The following TRAPPC3L variants were observed in gnomAD, a reference collection of about 807,000 sequenced individuals.
TRAPPC3L encodes the protein trafficking protein particle complex subunit 3L, also known as trafficking protein particle complex subunit 3-like protein.
TRAPPC3L carries 23 observed loss-of-function variants against 23.7 expected under a neutral mutation model. The ratio of observed to expected loss-of-function variants is 0.97; its 90% CI spans 0.70 to 1.37. The LOEUF is 1.37. Among genes scored for constraint, TRAPPC3L ranks in the 40% most tolerant of loss-of-function variants. The probability of loss-of-function intolerance (pLI) is 0.00; values close to 1 mark genes in which losing one functional copy is unlikely to be tolerated. For synonymous variants in TRAPPC3L, 81 were observed against 77.9 expected (o/e 1.04, Z -0.21); for missense variants, 212 against 216.8 (o/e 0.98, Z 0.14).
chr6:116,544,586 T>C (rs1417699884), intron 1 of TRAPPC3L, among the ~76,000 whole-genome samples: 1 of 152,166 alleles, frequency 6.6e-6, no homozygotes, highest in Admixed American at 6.6e-5. Context: ...ACTATTTCAG[T>C]AGGTTATGAA....
At chr6:116,521,535 A>AGAGC (rs1239043509) in intron 3 of TRAPPC3L, 2 of 151,740 alleles carry the variant, frequency 1.3e-5, no homozygotes, top group African/African-American at 4.8e-5. Flanking sequence ...AGAGAGACAG[A>AGAGC]GAGCAAATTT....
At chr6:116,504,749 A>G (rs1198437968) in intron 3 of TRAPPC3L, among the ~76,000 whole-genome samples, 2 of 152,158 alleles carry the variant, frequency 1.3e-5, no homozygotes, top group African/African-American at 4.8e-5. Flanking sequence ...TCACATAAAC[A>G]GAACCAAAGA....
rs540017801 is a variant in TRAPPC3L, at chr6:116,520,042, A to C, written c.241-19376T>G. 8 of 152,340 alleles carry C rather than the reference A, an allele frequency of 5.3e-5. No homozygotes were observed. The South Asian group carries it at 1.7e-3, about 32-fold the overall frequency. 9.4% of individuals were successfully genotyped at this position (152,340 alleles called of 1,614,324 possible). ...ATACCTTAAAGTAATGTATTGTAAA[A>C]TATATGTGTCCAAAGCAACTTTTAA... On this transcript the variant is annotated intron_variant, in intron 3 of 4. Transcript: ENST00000368602.
intron 3 of TRAPPC3L, among the ~76,000 whole-genome samples, chr6:116,510,265 G>A (rs1250540630): frequency 2.0e-5 from 3 of 152,006 alleles, no homozygotes; most frequent in Non-Finnish European, 2.9e-5. Context: ...AAAACAGTAT[G>A]GAGATTTCTT....
intron 3 of TRAPPC3L, among the ~76,000 whole-genome samples, chr6:116,503,467 G>A (rs902719541): frequency 2.6e-5 from 4 of 152,108 alleles, no homozygotes; most frequent in East Asian, 3.9e-4. Flanking sequence ...ACAGATCAAC[G>A]AGACAGAAAA....
chr6:116,524,089 A>C (rs941607850), intron 3 of TRAPPC3L: 4 of 152,196 alleles, frequency 2.6e-5, no homozygotes, highest in African/African-American at 4.8e-5. Flanking sequence ...GTTTTTTAAA[A>C]AGTTCTTCAG....
At chr6:116,534,721 AT>A (rs67025746) in intron 3 of TRAPPC3L, among the ~76,000 whole-genome samples, 4,981 of 152,164 alleles carry the variant, frequency 0.033, 265 homozygotes, top group African/African-American at 0.11. Flanking sequence ...TTGATTTTTT[AT>A]TACTCATCCC....
chr6:116,512,338 G>C (rs1772139278), intron 3 of TRAPPC3L: 3 of 1,286,314 alleles, frequency 2.3e-6, no homozygotes, highest in African/African-American at 1.5e-5. Context: ...AGAATATTTT[G>C]AAACTAAATG....
intron 3 of TRAPPC3L, among the ~76,000 whole-genome samples, chr6:116,515,126 C>G (rs1307544074): frequency 6.6e-6 from 1 of 152,128 alleles, no homozygotes; most frequent in African/African-American, 2.4e-5. Flanking sequence ...CGTCTGTCTC[C>G]CTTTTCCATG....
rs140564871 is a variant in TRAPPC3L at position 116,520,020 on chromosome 6, C to A, written c.241-19354G>T. ...TCACTACATAATTCTATGCATTATA[C>A]CTTAAAGTAATGTATTGTAAAATAT... On this transcript the variant is annotated intron_variant, in intron 3 of 4. Coordinates refer to ENST00000368602, the MANE Select transcript of TRAPPC3L (RefSeq NM_001139444.3). 251 of 152,168 alleles carry A rather than the reference C, an allele frequency of 1.6e-3. 1 individual carries two copies. The highest frequency in any genetic ancestry group is 5.6e-3 in the African/African-American group (233 of 41,520). The allele number at this position is 152,168 out of a possible 1,614,324, so 9.4% of individuals were successfully genotyped here.
intron 3 of TRAPPC3L, among the ~76,000 whole-genome samples, chr6:116,503,127 C>T (rs1262140192): frequency 2.6e-5 from 4 of 151,302 alleles, no homozygotes; most frequent in Admixed American, 1.3e-4. Context: ...TTCAGGAGAC[C>T]CATCTCATGT....
chr6:116,512,298 C>G, intron 3 of TRAPPC3L: 1 of 1,502,302 alleles, frequency 6.7e-7, no homozygotes, highest in Non-Finnish European at 8.9e-7. Flanking sequence ...TCTCTGTGCT[C>G]CTTTCAGCCA....
chr6:116,537,154 G>A (rs1407076), intron 3 of TRAPPC3L, among the ~76,000 whole-genome samples: 26,021 of 152,128 alleles, frequency 0.17, 2,345 homozygotes, highest in East Asian at 0.35. Context: ...ACTAGAGAAG[G>A]GTGAAGGTGA....
intron 3 of TRAPPC3L, chr6:116,522,049 C>T (rs372192258): frequency 1.3e-5 from 2 of 152,134 alleles, no homozygotes; most frequent in African/African-American, 4.8e-5. Flanking sequence ...AGAGAGAGAT[C>T]CCAATGGCTC....
intron 3 of TRAPPC3L, among the ~76,000 whole-genome samples, chr6:116,506,853 G>A (rs570287186): frequency 7.9e-5 from 12 of 152,106 alleles, no homozygotes; most frequent in South Asian, 2.1e-4. Flanking sequence ...ATCACACACC[G>A]GGACCTGTCA....
rs1771939030 is a variant in TRAPPC3L at position 116,502,767 on chromosome 6, G to C, written c.241-2101C>G. Among the ~76,000 whole-genome samples, 3 of 152,292 alleles carry C rather than the reference G, an allele frequency of 2.0e-5. No individual in the cohort carries two copies. In the South Asian group the frequency reaches 6.2e-4, roughly 32 times the overall value. ...TTTTCAACACAGAATTGCATATCCAGCCAAATGAAGCTTCATAAGTGAAGG... is the reference window on the plus strand; with the variant it reads ...TTTTCAACACAGAATTGCATATCCACCCAAATGAAGCTTCATAAGTGAAGG... On this transcript the variant is annotated intron_variant, in intron 3 of 4. Coordinates refer to ENST00000368602, the MANE Select transcript of TRAPPC3L (RefSeq NM_001139444.3).
chr6:116,497,391 G>C (rs1036951232), intron 4 of TRAPPC3L, among the ~76,000 whole-genome samples: 2 of 152,132 alleles, frequency 1.3e-5, no homozygotes, highest in Non-Finnish European at 2.9e-5. Flanking sequence ...TTCCCAGCTC[G>C]GGGATAGCCT....
rs1301681298 is a variant in TRAPPC3L, at chr6:116,500,658, G to A, written c.249C>T (p.Phe83=). Residue 83 remains phenylalanine, a synonymous_variant, in exon 4 of 5, where the codon TTC becomes TTT. Transcript: ENST00000368602. ...EIIDIIAQVA[F]KMYLGITPSV... Reference sequence around the variant, plus strand: ...TTGGTGTAATTCCCAGGTACATCTTGAAAGCAACCTGATAAGAAAAAAACA... The same window carrying A: ...TTGGTGTAATTCCCAGGTACATCTTAAAAGCAACCTGATAAGAAAAAAACA... The A allele has an allele frequency of 6.4e-7, 1 of 1,551,164 alleles. No homozygotes were observed. The highest frequency in any genetic ancestry group is 8.7e-7 in the Non-Finnish European group (1 of 1,146,846).
At chr6:116,544,468 G>A (rs1773654842) in intron 1 of TRAPPC3L, among the ~76,000 whole-genome samples, 1 of 151,988 alleles carries the variant, frequency 6.6e-6, no homozygotes. Context: ...CTGTTCAATT[G>A]GGTCTCAAAT....
Sources: gnomAD v4.1 joint callset for allele counts (sites outside exome capture counted in the v4.1 genomes callset) on GRCh38, gnomAD v4.1.1 for gene constraint, MANE v1.5 for transcripts, NCBI Gene and HGNC (gene_info 2026-07-23, HGNC 2026-07-21) for gene names.